Variants in FSD2 observed in about 807,000 individuals in gnomAD.
FSD2 encodes fibronectin type III and SPRY domain containing 2.
FSD2 carries 71 observed loss-of-function variants against 80.4 expected under a neutral mutation model. The ratio of observed to expected loss-of-function variants is 0.88; its 90% CI spans 0.73 to 1.08. FSD2 has a LOEUF of 1.08. FSD2 is among the 50% of genes least tolerant of loss of function. The pLI, the probability that FSD2 is intolerant of heterozygous loss-of-function variation, is 0.00. For synonymous variants in FSD2, 361 were observed against 329.5 expected (o/e 1.10, Z -1.03); for missense variants, 923 against 913.8 (o/e 1.01, Z -0.13).
At chr15:82,793,887 C>T (rs1473015324) in intron 1 of FSD2, among the ~76,000 whole-genome samples, 1 of 151,778 alleles carries the variant, frequency 6.6e-6, no homozygotes, top group Non-Finnish European at 1.5e-5. Flanking sequence ...CTCTCATTTT[C>T]TCTTGGTCAA....
chr15:82,772,081 TC>T lies in FSD2; in HGVS notation c.1258del (p.Asp420ThrfsTer7). ...TCCTGGCAGAGCCTCACCTGCTTGG[TC>T]CGTCCCAGGTGAGCTGTCCTGCACT... ...RPVQDSSPGT[D>X]QAEFTVTVKE... is the part of the protein sequence containing the mutation. On this transcript the variant is annotated frameshift_variant, in exon 7 of 13. Coordinates refer to ENST00000334574, the MANE Select transcript of FSD2 (RefSeq NM_001007122.4). LOFTEE classifies it high-confidence loss of function. 7 of 1,568,020 alleles carry T rather than the reference TC, an allele frequency of 4.5e-6. No homozygotes were observed. The South Asian group carries it at 8.5e-5, about 19-fold the overall frequency.
chr15:82,774,685 A>AAGTTAG (rs1249928248), intron 6 of FSD2, among the ~76,000 whole-genome samples: 3 of 151,972 alleles, frequency 2.0e-5, no homozygotes, highest in Non-Finnish European at 4.4e-5. Context: ...CAAAAATAGG[A>AAGTTAG]AGTTAGAGGG....
chr15:82,805,435 T>G (rs1457737448), intron 1 of FSD2, among the ~76,000 whole-genome samples: 3 of 152,202 alleles, frequency 2.0e-5, no homozygotes, highest in Non-Finnish European at 4.4e-5. Context: ...TGATATGAAA[T>G]GATTCAAATC....
At chr15:82,797,789 G>A (rs1164258424) in intron 1 of FSD2, among the ~76,000 whole-genome samples, 7 of 151,992 alleles carry the variant, frequency 4.6e-5, no homozygotes, top group East Asian at 1.9e-4. Flanking sequence ...CAGCCTGGGC[G>A]ACAGAGCGAG....
At chr15:82,776,148 A>G (rs76028853) in intron 6 of FSD2, among the ~76,000 whole-genome samples, 1,581 of 152,218 alleles carry the variant, frequency 0.01, 7 homozygotes, top group Non-Finnish European at 0.015. Context: ...TTGTCTGGGT[A>G]TGGTGGTGTG....
At chr15:82,801,804 G>T (rs369541921) in intron 1 of FSD2, among the ~76,000 whole-genome samples, 1 of 152,104 alleles carries the variant, frequency 6.6e-6, no homozygotes, top group East Asian at 1.9e-4. Flanking sequence ...ACCTGCTGAG[G>T]CTGAGATACC....
chr15:82,765,324 A>G, intron 10 of FSD2, 26 bp from the exon 11 acceptor site: 1 of 1,612,064 alleles, frequency 6.2e-7, no homozygotes, highest in Non-Finnish European at 8.5e-7. Context: ...CACACAGAAG[A>G]CCCGCAGCCA....
intron 1 of FSD2, among the ~76,000 whole-genome samples, chr15:82,790,547 TGTGTGTGTGTGTGTGTGTGTTCGTGC>T (rs1878941136): frequency 6.7e-6 from 1 of 149,214 alleles, no homozygotes; most frequent in Non-Finnish European, 1.5e-5. Flanking sequence ...CTGCCATTTG[TGTGTGTGTGTGTGTGTGTGTTCGTGC>T]GTGTGTGTGT....
intron 1 of FSD2, among the ~76,000 whole-genome samples, chr15:82,793,795 A>G (rs1359045832): frequency 6.6e-6 from 1 of 151,854 alleles, no homozygotes; most frequent in Non-Finnish European, 1.5e-5. Context: ...TGTTCATGGT[A>G]TTTCTTTTTA....
intron 8 of FSD2, 72 bp from the exon 9 acceptor site, chr15:82,769,102 A>G: frequency 7.7e-7 from 1 of 1,292,298 alleles, no homozygotes; most frequent in Non-Finnish European, 1.0e-6. Context: ...AGAGCCATGG[A>G]CAAACATCAC....
chr15:82,780,929 G>C (rs2049841671), intron 4 of FSD2, among the ~76,000 whole-genome samples: 1 of 151,996 alleles, frequency 6.6e-6, no homozygotes, highest in Non-Finnish European at 1.5e-5. Context: ...CTAGCTCCTT[G>C]GGAGGCTGAG....
chr15:82,784,796 G>C, intron 3 of FSD2, among the ~76,000 whole-genome samples: 1 of 152,132 alleles, frequency 6.6e-6, no homozygotes, highest in Non-Finnish European at 1.5e-5. Flanking sequence ...TAGAGCATCC[G>C]CATGAAGAGA....
intron 7 of FSD2, among the ~76,000 whole-genome samples, chr15:82,770,735 T>TG (rs61543998): frequency 0.14 from 21,693 of 150,696 alleles, 1,762 homozygotes; most frequent in East Asian, 0.23. Flanking sequence ...TTGTAGGGGG[T>TG]GGGGAGGGGG....
At chr15:82,768,394 A>G (rs1385721993) in intron 9 of FSD2, among the ~76,000 whole-genome samples, 1 of 152,172 alleles carries the variant, frequency 6.6e-6, no homozygotes, top group East Asian at 1.9e-4. Context: ...TCCAAAGTGG[A>G]TCCTCACCTC....
chr15:82,768,304 C>T (rs911872923), intron 9 of FSD2, among the ~76,000 whole-genome samples: 1 of 152,246 alleles, frequency 6.6e-6, no homozygotes, highest in Non-Finnish European at 1.5e-5. Flanking sequence ...GCCCCCTCCC[C>T]CCGAAGCACC....
chr15:82,790,054 T>C (rs1361914284), intron 1 of FSD2, among the ~76,000 whole-genome samples: 2 of 152,302 alleles, frequency 1.3e-5, no homozygotes, highest in East Asian at 3.9e-4. Flanking sequence ...CAGGTGCCTG[T>C]AATCCCAGCT....
intron 1 of FSD2, among the ~76,000 whole-genome samples, chr15:82,804,888 A>G (rs77957537): frequency 2.6e-5 from 4 of 152,172 alleles, no homozygotes; most frequent in Admixed American, 2.6e-4. Context: ...TTTCCCCTCA[A>G]CACCTAGACT....
intron 9 of FSD2, 74 bp downstream of exon 9, chr15:82,768,806 C>T (rs1413555570): frequency 5.5e-6 from 7 of 1,274,970 alleles, no homozygotes; most frequent in African/African-American, 1.5e-5. Context: ...CTTCAGACTC[C>T]GTATACTTCC....
chr15:82,779,030 T>A, intron 5 of FSD2, 143 bp from the exon 6 acceptor site: 4 of 1,002,718 alleles, frequency 4.0e-6, no homozygotes, highest in Non-Finnish European at 5.8e-6. Context: ...GGCTGCCATC[T>A]ACCATCTTTT....
Sources: gnomAD v4.1 joint callset for allele counts (sites outside exome capture counted in the v4.1 genomes callset) on GRCh38, gnomAD v4.1.1 for gene constraint, MANE v1.5 for transcripts, NCBI Gene and HGNC (gene_info 2026-07-23, HGNC 2026-07-21) for gene names.